The following FBXL13 variants were observed in gnomAD, a reference collection of about 807,000 sequenced individuals.
The protein encoded by FBXL13 is F-box and leucine rich repeat protein 13, also known as F-box and leucine-rich repeat protein 13.
In FBXL13, 67 loss-of-function variants were observed where a neutral mutation model predicts 83.6. That is an observed-to-expected ratio of 0.80 (90% CI 0.66 to 0.98). The LOEUF (loss-of-function observed/expected upper bound fraction) is 0.98. Ranked by LOEUF, FBXL13 falls within the 50% of genes least tolerant of loss-of-function variation. The probability of loss-of-function intolerance (pLI) is 0.00; values close to 1 mark genes in which losing one functional copy is unlikely to be tolerated. For missense variants in FBXL13, 822 were observed against 866.5 expected (o/e 0.95, Z 0.64); for synonymous variants, 272 against 299.5 (o/e 0.91, Z 0.95).
intron 2 of FBXL13, among the ~76,000 whole-genome samples, chr7:103,036,213 C>A (rs551850420): frequency 6.6e-6 from 1 of 152,274 alleles, no homozygotes; most frequent in Admixed American, 6.5e-5. Flanking sequence ...GAAAAAATTT[C>A]TTCCACAAAA....
At chr7:102,875,646 A>C (rs998028389) in intron 16 of FBXL13, among the ~76,000 whole-genome samples, 2 of 152,144 alleles carry the variant, frequency 1.3e-5, no homozygotes, top group African/African-American at 4.8e-5. Context: ...AACAACCCTG[A>C]GCATGCAAAA....
intron 11 of FBXL13, among the ~76,000 whole-genome samples, chr7:102,906,330 TG>T (rs1304797832): frequency 6.6e-6 from 1 of 152,230 alleles, no homozygotes; most frequent in Non-Finnish European, 1.5e-5. Flanking sequence ...CTTGAAAAGT[TG>T]TTGTAGTTAT....
At chr7:102,912,968 C>G (rs1230978213) in intron 11 of FBXL13, 118 bp downstream of exon 12, 1 of 1,347,492 alleles carries the variant, frequency 7.4e-7, no homozygotes, top group East Asian at 2.5e-5. Flanking sequence ...AATTTAAAAC[C>G]TCTGAAAAGT....
At chr7:102,855,623 G>A (rs1228199543) in intron 16 of FBXL13, among the ~76,000 whole-genome samples, 2 of 152,038 alleles carry the variant, frequency 1.3e-5, no homozygotes, top group Non-Finnish European at 2.9e-5. Context: ...GTGGACAAGA[G>A]CAGGGTTGTT....
At chr7:102,824,637 C>G (rs925561125) in intron 18 of FBXL13, among the ~76,000 whole-genome samples, 2 of 152,166 alleles carry the variant, frequency 1.3e-5, no homozygotes, top group African/African-American at 4.8e-5. Flanking sequence ...AGGTGCCCGC[C>G]ACCACGCCCA....
chr7:102,856,589 A>G (rs370787075), intron 16 of FBXL13, among the ~76,000 whole-genome samples: 7 of 152,350 alleles, frequency 4.6e-5, no homozygotes, highest in Admixed American at 2.6e-4. Flanking sequence ...TTAAAATATT[A>G]AAACAGAATG....
At chr7:103,024,599 A>G (rs1345680746) in intron 6 of FBXL13, among the ~76,000 whole-genome samples, 1 of 150,412 alleles carries the variant, frequency 6.6e-6, no homozygotes, top group African/African-American at 2.4e-5. Context: ...GCAAACATCA[A>G]GTGTGGGGGA....
chr7:103,017,873 G>C (rs969208094), intron 6 of FBXL13, among the ~76,000 whole-genome samples: 1 of 152,196 alleles, frequency 6.6e-6, no homozygotes, highest in Non-Finnish European at 1.5e-5. Context: ...AAGTGACAGG[G>C]AGAAGAATCA....
At position 102,963,556 on chromosome 7, in the gene FBXL13, C is replaced by T. The variant is rs754512148; in HGVS notation, c.701G>A (p.Arg234Gln). 8.1e-6 allele frequency: 13 copies of T among 1,612,700 alleles called. No homozygotes were observed. Among genetic ancestry groups the T allele is most frequent in the East Asian group, 2.2e-5 (1 of 44,834 alleles). ...ACTGACAGATCTGAAAGTTTTGGGT[C>T]GGAGAAGACAACCACGAAAATTCAA... The change falls in exon 8 of 20, where the codon CGA becomes CAA. Residue 234 changes from arginine (R) to glutamine (Q), a missense_variant. Transcript: ENST00000313221.
chr7:103,062,501 C>CA (rs1374933768), intron 1 of FBXL13, among the ~76,000 whole-genome samples: 1 of 151,810 alleles, frequency 6.6e-6, no homozygotes, highest in Non-Finnish European at 1.5e-5. Flanking sequence ...AAGAGTATCT[C>CA]AGAGTTCTGA....
chr7:102,886,942 T>G (rs1264113009), intron 11 of FBXL13, among the ~76,000 whole-genome samples: 1 of 152,148 alleles, frequency 6.6e-6, no homozygotes, highest in East Asian at 1.9e-4. Context: ...TCTACATTTC[T>G]AGTATTTTTC....
intron 1 of FBXL13, among the ~76,000 whole-genome samples, chr7:103,062,210 C>T (rs1371419141): frequency 6.6e-6 from 1 of 152,104 alleles, no homozygotes; most frequent in African/African-American, 2.4e-5. Flanking sequence ...GGTGTATCTG[C>T]TTAATGTTTT....
At chr7:103,035,723 T>C (rs1038151116) in intron 2 of FBXL13, among the ~76,000 whole-genome samples, 2 of 152,228 alleles carry the variant, frequency 1.3e-5, no homozygotes, top group Admixed American at 6.5e-5. Flanking sequence ...ATTAACTTTA[T>C]ATTATAATTT....
At chr7:102,931,629 T>C (rs1382289290) in intron 9 of FBXL13, among the ~76,000 whole-genome samples, 1 of 152,190 alleles carries the variant, frequency 6.6e-6, no homozygotes, top group Non-Finnish European at 1.5e-5. Context: ...CCATTAAATA[T>C]AAATACAGTT....
chr7:103,061,306 C>A (rs115605454), intron 1 of FBXL13, among the ~76,000 whole-genome samples: 1 of 152,122 alleles, frequency 6.6e-6, no homozygotes, highest in African/African-American at 2.4e-5. Context: ...TGATACCTGC[C>A]GGACTGGGCC....
intron 1 of FBXL13, among the ~76,000 whole-genome samples, chr7:103,061,618 C>T (rs1386358324): frequency 6.6e-6 from 1 of 152,012 alleles, no homozygotes; most frequent in East Asian, 1.9e-4. Context: ...GCATCTCTGA[C>T]AAATACGTGC....
intron 8 of FBXL13, chr7:102,939,647 C>T (rs1295508592): frequency 7.0e-7 from 1 of 1,432,144 alleles, no homozygotes; most frequent in Non-Finnish European, 9.6e-7. Flanking sequence ...TTTTCTATGG[C>T]AACACTTATA....
chr7:102,948,442 G>C (rs1413878577), intron 8 of FBXL13, among the ~76,000 whole-genome samples: 1 of 151,446 alleles, frequency 6.6e-6, no homozygotes, highest in Non-Finnish European at 1.5e-5. Context: ...TCTTTTTTTT[G>C]ACACAGAGTC....
intron 7 of FBXL13, 32 bp from the exon 9 acceptor site, chr7:102,963,697 T>A: frequency 6.4e-6 from 10 of 1,570,850 alleles, no homozygotes; most frequent in Non-Finnish European, 8.6e-6. Flanking sequence ...CATTAAGAAA[T>A]GAGAAAGTCC....
Sources: gnomAD v4.1 joint callset for allele counts (sites outside exome capture counted in the v4.1 genomes callset) on GRCh38, gnomAD v4.1.1 for gene constraint, MANE v1.5 for transcripts, NCBI Gene and HGNC (gene_info 2026-07-23, HGNC 2026-07-21) for gene names.